PDE7A: variants seen among roughly 807,000 people sequenced by gnomAD.
PDE7A encodes the protein high affinity 3',5'-cyclic-AMP phosphodiesterase 7A.
PDE7A carries 39 observed loss-of-function variants against 64.3 expected under a neutral mutation model. That is an observed-to-expected ratio of 0.61 (90% CI 0.47 to 0.79). The LOEUF is 0.79. PDE7A is among the 30% of genes least tolerant of loss of function. The pLI is 0.00. For synonymous variants in PDE7A, 203 were observed against 206.8 expected (o/e 0.98, Z 0.16); for missense variants, 470 against 582.8 (o/e 0.81, Z 1.99).
intron 1 of PDE7A, among the ~76,000 whole-genome samples, chr8:65,828,059 T>C (rs1316883122): frequency 1.3e-5 from 2 of 152,232 alleles, no homozygotes; most frequent in South Asian, 2.1e-4. Context: ...ATTCCACTTA[T>C]ATGATACTCT....
Position 65,841,551 on chromosome 8 carries a change from C to G in PDE7A, c.-43G>C. On this transcript the variant is annotated 5_prime_UTR_variant, in exon 1 of 13. Coordinates refer to ENST00000401827, the MANE Select transcript of PDE7A (RefSeq NM_001242318.3). ...CCTCCGCGCGGCGCCCGCCCTGCCGCGGCCGCCGGCCCCTGCAGTGGGAGG... is the reference window on the plus strand; with the variant it reads ...CCTCCGCGCGGCGCCCGCCCTGCCGGGGCCGCCGGCCCCTGCAGTGGGAGG... 7.5e-7 allele frequency: 1 copy of G among 1,332,964 alleles called. No individual in the cohort carries two copies. The highest frequency in any genetic ancestry group is 9.7e-7 in the Non-Finnish European group (1 of 1,030,028). The allele number at this position is 1,332,964 out of a possible 1,614,324, so 82.6% of individuals were successfully genotyped here.
intron 5 of PDE7A, among the ~76,000 whole-genome samples, chr8:65,740,624 A>T (rs759768930): frequency 2.0e-5 from 3 of 151,904 alleles, no homozygotes; most frequent in East Asian, 1.9e-4. Flanking sequence ...CTGGTCTCGA[A>T]CTCCTGACCT....
intron 1 of PDE7A, among the ~76,000 whole-genome samples, chr8:65,837,058 A>G (rs932434228): frequency 2.6e-5 from 4 of 152,234 alleles, no homozygotes; most frequent in Non-Finnish European, 4.4e-5. Flanking sequence ...ACACTTTGAT[A>G]ACTCCAGTAT....
intron 2 of PDE7A, among the ~76,000 whole-genome samples, chr8:65,782,315 C>A (rs926965798): frequency 5.9e-5 from 9 of 152,020 alleles, no homozygotes; most frequent in Non-Finnish European, 1.0e-4. Context: ...TTTTACCTTG[C>A]GGAATTGACT....
intron 5 of PDE7A, among the ~76,000 whole-genome samples, chr8:65,741,769 T>C (rs1807447006): frequency 6.6e-6 from 1 of 152,252 alleles, no homozygotes. Context: ...TTATTCATTC[T>C]CTGTATATTT....
chr8:65,819,788 C>A (rs1810496681), intron 1 of PDE7A, among the ~76,000 whole-genome samples: 1 of 152,212 alleles, frequency 6.6e-6, no homozygotes, highest in South Asian at 2.1e-4. Context: ...CCTGAGCATA[C>A]AATCAGTCAC....
At chr8:65,726,418 G>C (rs1305343119) in intron 9 of PDE7A, among the ~76,000 whole-genome samples, 1 of 151,964 alleles carries the variant, frequency 6.6e-6, no homozygotes, top group Non-Finnish European at 1.5e-5. Context: ...ATGCTATTGA[G>C]GACATAAGGC....
chr8:65,751,718 C>A (rs1807974661), intron 3 of PDE7A, among the ~76,000 whole-genome samples: 1 of 152,206 alleles, frequency 6.6e-6, no homozygotes, highest in African/African-American at 2.4e-5. Context: ...TCTCGAACTC[C>A]CGACCTCAGG....
At chr8:65,730,800 T>C (rs1165597651) in intron 7 of PDE7A, among the ~76,000 whole-genome samples, 5 of 152,090 alleles carry the variant, frequency 3.3e-5, no homozygotes. Context: ...TGGTGGCACA[T>C]GCCTATCAGC....
intron 1 of PDE7A, among the ~76,000 whole-genome samples, chr8:65,824,844 G>A (rs951761546): frequency 7.9e-5 from 12 of 152,276 alleles, no homozygotes; most frequent in African/African-American, 2.2e-4. Flanking sequence ...AAAGATTCAC[G>A]TGACTTGCTT....
intron 1 of PDE7A, among the ~76,000 whole-genome samples, chr8:65,809,905 TAA>T (rs1161667583): frequency 6.6e-6 from 1 of 152,140 alleles, no homozygotes; most frequent in Non-Finnish European, 1.5e-5. Flanking sequence ...GGTGGGAGTG[TAA>T]ATTAGTTCAA....
At chr8:65,802,561 A>G (rs979148034) in intron 1 of PDE7A, among the ~76,000 whole-genome samples, 2 of 152,138 alleles carry the variant, frequency 1.3e-5, no homozygotes, top group African/African-American at 4.8e-5. Context: ...TCTAAACCTC[A>G]GTTTTCTCCA....
At chr8:65,812,191 C>T (rs961527522) in intron 1 of PDE7A, among the ~76,000 whole-genome samples, 2 of 147,074 alleles carry the variant, frequency 1.4e-5, no homozygotes, top group South Asian at 4.2e-4. Flanking sequence ...TGGGTGACAG[C>T]GCGAGACCGT....
At chr8:65,783,244 A>G (rs1398450187) in intron 1 of PDE7A, among the ~76,000 whole-genome samples, 1 of 152,202 alleles carries the variant, frequency 6.6e-6, no homozygotes, top group Non-Finnish European at 1.5e-5. Flanking sequence ...TTTGGTCCCC[A>G]TTCCATGCTT....
intron 7 of PDE7A, among the ~76,000 whole-genome samples, chr8:65,730,496 G>T (rs1806837315): frequency 6.6e-6 from 1 of 151,954 alleles, no homozygotes; most frequent in Admixed American, 6.6e-5. Flanking sequence ...CTTCTTATAA[G>T]AATCTAATGC....
rs576957243 is a variant in PDE7A, at chr8:65,756,437, T to C, written c.284-8634A>G. Among the ~76,000 whole-genome samples, 19 of 152,166 alleles carry C rather than the reference T, an allele frequency of 1.2e-4. No homozygotes were observed. In the East Asian group the frequency reaches 2.1e-3, roughly 17 times the overall value. ...AGGCTCTGTTCATTTCTCTTTTTTT[T>C]CTCTCTCTCTTTCTACTCCTCAGAA... On this transcript the variant is annotated intron_variant, in intron 3 of 12. Transcript: ENST00000401827.
In PDE7A at chr8:65,727,206, A is replaced by G. The variant is rs780137863; in HGVS notation, c.792T>C (p.Leu264=). Residue 264 remains leucine, a synonymous_variant, in exon 8 of 13, where the codon CTT becomes CTC. Coordinates refer to ENST00000401827, the MANE Select transcript of PDE7A (RefSeq NM_001242318.3). Reference sequence around the variant, plus strand: ...TTGCCAAGTAATGGTTAGTTTTAATAAGGAAAGGTTGATTAACACCTGGAT... The same window carrying G: ...TTGCCAAGTAATGGTTAGTTTTAATGAGGAAAGGTTGATTAACACCTGGAT... ...LDHPGVNQPF[L]IKTNHYLATL... The G allele has an allele frequency of 1.9e-6, 3 of 1,612,620 alleles. No homozygotes were observed. Among genetic ancestry groups the G allele is most frequent in the Non-Finnish European group, 1.7e-6 (2 of 1,178,740 alleles).
intron 6 of PDE7A, among the ~76,000 whole-genome samples, chr8:65,737,529 G>C (rs758621458): frequency 6.6e-6 from 1 of 152,238 alleles, no homozygotes; most frequent in South Asian, 2.1e-4. Flanking sequence ...TTTTGAGACA[G>C]AGTCTCATTC....
intron 1 of PDE7A, among the ~76,000 whole-genome samples, chr8:65,802,182 G>T (rs1448272164): frequency 6.6e-6 from 1 of 152,134 alleles, no homozygotes; most frequent in Non-Finnish European, 1.5e-5. Flanking sequence ...GGAGAGCAGG[G>T]AATAGCAAGT....
Sources: allele counts gnomAD v4.1 joint callset (sites outside exome capture counted in the v4.1 genomes callset), GRCh38; gene constraint gnomAD v4.1.1; transcripts MANE v1.5; gene names NCBI Gene and HGNC (gene_info 2026-07-23, HGNC 2026-07-21).